The following FLNB variants were observed in gnomAD, a reference collection of about 807,000 sequenced individuals.
FLNB encodes the protein filamin B.
Under a neutral mutation model 250.6 loss-of-function variants are expected in FLNB, and 111 were observed. The ratio of observed to expected loss-of-function variants is 0.44; its 90% CI spans 0.38 to 0.52. FLNB has a LOEUF of 0.52. Among genes scored for constraint, FLNB ranks in the 20% least tolerant of loss-of-function variants. FLNB has a pLI of 0.00. For synonymous variants in FLNB, 1,302 were observed against 1,372.1 expected (o/e 0.95, Z 1.13); for missense variants, 2,869 against 3,447.8 (o/e 0.83, Z 4.20).
chr3:58,093,347 G>A (rs1419576548), intron 4 of FLNB, among the ~76,000 whole-genome samples: 2 of 152,282 alleles, frequency 1.3e-5, no homozygotes, highest in East Asian at 3.9e-4. Context: ...ATACTTCAGG[G>A]ATGTGGAGGC....
At chr3:58,011,337 C>G (rs9846506) in intron 1 of FLNB, among the ~76,000 whole-genome samples, 2 of 152,316 alleles carry the variant, frequency 1.3e-5, no homozygotes, top group East Asian at 3.9e-4. Flanking sequence ...TCTTCCTGTT[C>G]CTACCACAAC....
At chr3:58,087,061 A>G (rs959472264) in intron 4 of FLNB, among the ~76,000 whole-genome samples, 2 of 152,164 alleles carry the variant, frequency 1.3e-5, no homozygotes, top group Non-Finnish European at 2.9e-5. Context: ...CAGTGAACCG[A>G]GATGGCGCCA....
At chr3:58,025,133 C>CTT (rs57706596) in intron 1 of FLNB, among the ~76,000 whole-genome samples, 67,872 of 116,236 alleles carry the variant, frequency 0.58, 20,732 homozygotes, top group South Asian at 0.77. Flanking sequence ...TTCTTTCTTT[C>CTT]TTTTTTTTTT....
rs527446314 is a variant in FLNB at position 58,109,744 on chromosome 3, G to A, written c.2323+45G>A. ...AACCCAGTGATCATTGCTCCGTGGG[G>A]AAGGCAGTTCTTTTCATAACGTTTC... On this transcript the variant is annotated intron_variant, in intron 15 of 45. Coordinates refer to ENST00000295956, the MANE Select transcript of FLNB (RefSeq NM_001457.4). 245 of 1,613,414 alleles carry A rather than the reference G, an allele frequency of 1.5e-4. 1 individual carries two copies. In the South Asian group the frequency reaches 2.5e-3, roughly 17 times the overall value.
chr3:58,113,898 C>G (rs2097273298), intron 18 of FLNB, among the ~76,000 whole-genome samples: 1 of 151,782 alleles, frequency 6.6e-6, no homozygotes, highest in South Asian at 2.1e-4. Flanking sequence ...AGGCTGGTCT[C>G]CAACTCCTGG....
rs114307611 is a variant in FLNB at position 58,120,195 on chromosome 3, G to A, written c.2864-1046G>A. 7.6e-3 allele frequency among the ~76,000 whole-genome samples: 1,161 copies of A among 152,360 alleles called. 6 individuals are homozygous for A. The highest frequency in any genetic ancestry group is 0.013 in the Non-Finnish European group (874 of 68,038). ...GCTCCCAGTTGCAGAGATCCAAAGT[G>A]AGAGCTCACTGTTGGCTTTTGTGGC... On this transcript the variant is annotated intron_variant, in intron 19 of 45. Transcript: ENST00000295956.
Position 58,124,124 on chromosome 3 carries a change from C to T in FLNB, c.3725-208C>T, listed in dbSNP as rs75371794. On this transcript the variant is annotated intron_variant, in intron 21 of 45. Transcript: ENST00000295956. ...TGTCCTCGAGCCCGGTGTGAGCAGT[C>T]GTGTTGTCACTTAGCCGTGGCTACT... Among the ~76,000 whole-genome samples, 4,999 of 152,242 alleles carry T rather than the reference C, an allele frequency of 0.033. 121 individuals are homozygous for T. The highest frequency in any genetic ancestry group is 0.052 in the Admixed American group (800 of 15,298).
intron 1 of FLNB, among the ~76,000 whole-genome samples, chr3:58,068,648 G>T (rs1463591577): frequency 6.6e-6 from 1 of 152,186 alleles, no homozygotes; most frequent in Admixed American, 6.5e-5. Flanking sequence ...AGGCAAGGAT[G>T]GAGAGAAACT....
At chr3:58,067,665 T>C (rs1057380588) in intron 1 of FLNB, among the ~76,000 whole-genome samples, 2 of 151,282 alleles carry the variant, frequency 1.3e-5, no homozygotes, top group South Asian at 2.1e-4. Context: ...GGCATGATCT[T>C]GGCTCACTGC....
chr3:58,097,758 A>T (rs537832917), intron 6 of FLNB, 57 bp from the exon 7 acceptor site: 1 of 1,536,518 alleles, frequency 6.5e-7, no homozygotes, highest in Non-Finnish European at 9.0e-7. Flanking sequence ...GCTTGATGTC[A>T]GTCTTGCTGG....
rs370957196 is a variant in FLNB, at chr3:58,140,772, C to T, written c.5110-1086C>T. Among the ~76,000 whole-genome samples the T allele has an allele frequency of 3.0e-4, 46 of 152,188 alleles. No individual in the cohort carries two copies. In the South Asian group the frequency reaches 4.2e-3, roughly 14 times the overall value. On this transcript the variant is annotated intron_variant, in intron 29 of 45. Coordinates refer to ENST00000295956, the MANE Select transcript of FLNB (RefSeq NM_001457.4). ...TATAGGCACCTGCCACCACGCCTGG[C>T]TATTTTTTGTATATTTAGTAGAGAT...
At chr3:58,057,640 A>T (rs555613485) in intron 1 of FLNB, among the ~76,000 whole-genome samples, 2 of 152,170 alleles carry the variant, frequency 1.3e-5, no homozygotes, top group African/African-American at 4.8e-5. Flanking sequence ...GATGAATCCA[A>T]TTGGGTTTTT....
At chr3:58,064,869 C>G (rs551277328) in intron 1 of FLNB, among the ~76,000 whole-genome samples, 2 of 152,210 alleles carry the variant, frequency 1.3e-5, no homozygotes, top group South Asian at 2.1e-4. Flanking sequence ...ACACACCACA[C>G]AGACACACAG....
chr3:58,135,015 G>A (rs2097313684), intron 27 of FLNB, among the ~76,000 whole-genome samples: 1 of 151,932 alleles, frequency 6.6e-6, no homozygotes, highest in African/African-American at 2.4e-5. Flanking sequence ...CTATTCCTAT[G>A]TTTTTATTTT....
At chr3:58,112,494 A>G (rs753512494) in intron 18 of FLNB, among the ~76,000 whole-genome samples, 176 bp downstream of exon 18, 25 of 152,226 alleles carry the variant, frequency 1.6e-4, no homozygotes, top group Non-Finnish European at 2.9e-4. Context: ...AGGAAGCCCA[A>G]TGGGTTCTAT....
At chr3:58,099,000 C>T in intron 8 of FLNB, 92 bp downstream of exon 8, 1 of 1,090,812 alleles carries the variant, frequency 9.2e-7, no homozygotes, top group Non-Finnish European at 1.4e-6. Flanking sequence ...CAGGGCCCAA[C>T]ATTGACCTTA....
chr3:58,142,161 G>A lies in FLNB; in HGVS notation c.5181+232G>A, dbSNP rs181800105. 3.3e-5 allele frequency among the ~76,000 whole-genome samples: 5 copies of A among 152,206 alleles called. No homozygotes were observed. The highest frequency in any genetic ancestry group is 1.3e-4 in the Admixed American group (2 of 15,294). Reference sequence around the variant, plus strand: ...AGCCGTCGTGTCTGTGATCACGCTCGGTGCAGTTTGTCTCTGTGTTTAAAG... The same window carrying A: ...AGCCGTCGTGTCTGTGATCACGCTCAGTGCAGTTTGTCTCTGTGTTTAAAG... On this transcript the variant is annotated intron_variant, in intron 30 of 45. Coordinates refer to ENST00000295956, the MANE Select transcript of FLNB (RefSeq NM_001457.4). The surrounding 1 kb of genome is among the most constrained non-coding windows in gnomAD (Gnocchi z 4.3).
At position 58,104,007 on chromosome 3, in the gene FLNB, A is replaced by T; in HGVS notation, c.1532A>T (p.Tyr511Phe). ...CAGAAAGACTTTCTGGATGGGGTCT[A>T]CGCATTCGAGTATTACCCCAGCACC... The part of the protein sequence containing the change: ...VKQKDFLDGV[Y>F]AFEYYPSTPG... The change falls in exon 10 of 46, where the codon TAC (tyrosine) becomes TTC (phenylalanine). Residue 511 changes from tyrosine to phenylalanine, a missense_variant. Transcript: ENST00000295956. 1 of 1,613,786 alleles carries T rather than the reference A, an allele frequency of 6.2e-7. No individual in the cohort carries two copies. Among genetic ancestry groups the T allele is most frequent in the East Asian group, 2.2e-5 (1 of 44,870 alleles).
chr3:58,085,516 C>A (rs956329392), intron 4 of FLNB, among the ~76,000 whole-genome samples: 2 of 152,288 alleles, frequency 1.3e-5, no homozygotes, highest in African/African-American at 4.8e-5. Context: ...TTAATAGATG[C>A]CAGTTGCCAG....
Sources: allele counts gnomAD v4.1 joint callset (sites outside exome capture counted in the v4.1 genomes callset), GRCh38; gene constraint gnomAD v4.1.1; non-coding constraint Gnocchi (gnomAD v3.1); transcripts MANE v1.5; gene names NCBI Gene and HGNC (gene_info 2026-07-23, HGNC 2026-07-21).